The following STAB2 variants were observed in gnomAD, a reference collection of about 807,000 sequenced individuals.
STAB2 encodes the protein stabilin-2.
STAB2 carries 288 observed loss-of-function variants against 338.1 expected under a neutral mutation model. The observed-to-expected ratio is 0.85, with a 90% CI of 0.77 to 0.94. STAB2 has a LOEUF of 0.94. Ranked by LOEUF, STAB2 falls within the 40% of genes least tolerant of loss-of-function variation. The pLI is 0.00. For missense variants in STAB2, 3,141 were observed against 3,210.1 expected (o/e 0.98, Z 0.52); for synonymous variants, 1,202 against 1,193.3 (o/e 1.01, Z -0.15).
intron 34 of STAB2, among the ~76,000 whole-genome samples, chr12:103,699,728 G>A (rs1468042111): frequency 3.9e-5 from 6 of 152,140 alleles, no homozygotes; most frequent in African/African-American, 1.4e-4. Context: ...ACACAAAACG[G>A]TTGTCTGTGT....
chr12:103,729,830 T>C (rs1229339333), intron 48 of STAB2, among the ~76,000 whole-genome samples: 1 of 152,180 alleles, frequency 6.6e-6, no homozygotes, highest in Admixed American at 6.5e-5. Context: ...AGAACAAATA[T>C]AAAAGAGAAG....
intron 37 of STAB2, among the ~76,000 whole-genome samples, chr12:103,706,183 G>C (rs1401316715): frequency 6.6e-6 from 1 of 152,184 alleles, no homozygotes; most frequent in Non-Finnish European, 1.5e-5. Flanking sequence ...TTTCCCAGAT[G>C]ACTAGACATA....
intron 44 of STAB2, among the ~76,000 whole-genome samples, chr12:103,720,525 T>C (rs776317890): frequency 2.0e-4 from 31 of 152,240 alleles, no homozygotes; most frequent in Non-Finnish European, 4.1e-4. Context: ...TATGAATTTG[T>C]ATGTAAATTT....
chr12:103,695,743 A>C lies in STAB2; in HGVS notation c.3481A>C (p.Asn1161His). 1 of 1,614,152 alleles carries C rather than the reference A, an allele frequency of 6.2e-7. No individual in the cohort carries two copies. The highest frequency in any genetic ancestry group is 8.5e-7 in the Non-Finnish European group (1 of 1,180,038). Residue 1161 changes from asparagine to histidine, a missense_variant, in exon 33 of 69, where the codon AAT becomes CAT. Coordinates refer to ENST00000388887, the MANE Select transcript of STAB2 (RefSeq NM_017564.10). ...SIFRGYIIQY[N>H]LANAIEAADA... ...TTGTCTCTTTCCATCGCAGCAATAT[A>C]ATCTGGCGAATGCAATTGAGGCTGC...
intron 3 of STAB2, among the ~76,000 whole-genome samples, chr12:103,609,037 A>T (rs11503458): frequency 0.32 from 48,854 of 151,876 alleles, 10,019 homozygotes; most frequent in African/African-American, 0.58. Flanking sequence ...TTCTGTTCCA[A>T]TGGTCTATAT....
intron 51 of STAB2, among the ~76,000 whole-genome samples, chr12:103,733,757 A>G (rs879827259): frequency 6.6e-6 from 1 of 151,936 alleles, no homozygotes; most frequent in Non-Finnish European, 1.5e-5. Context: ...TCATATAGGA[A>G]CATACATGAT....
chr12:103,740,082 G>C (rs1353029820), intron 54 of STAB2, among the ~76,000 whole-genome samples: 1 of 152,162 alleles, frequency 6.6e-6, no homozygotes, highest in Non-Finnish European at 1.5e-5. Context: ...GCTAATAATG[G>C]ACTCTCTGTG....
At chr12:103,763,660 G>T (rs959973686) in intron 68 of STAB2, 52 bp downstream of exon 68, 4 of 1,485,182 alleles carry the variant, frequency 2.7e-6, no homozygotes, top group Non-Finnish European at 3.7e-6. Flanking sequence ...ACAGGGGAAT[G>T]ATGTCTTTTA....
chr12:103,708,428 T>A lies in STAB2; in HGVS notation c.4193-13T>A, dbSNP rs540905824. The A allele has an allele frequency of 4.9e-4, 796 of 1,613,492 alleles. 13 individuals carry two copies. The South Asian group carries it at 8.2e-3, about 17-fold the overall frequency. On this transcript the variant is annotated splice_polypyrimidine_tract_variant and intron_variant, in intron 38 of 68. Coordinates refer to ENST00000388887, the MANE Select transcript of STAB2 (RefSeq NM_017564.10). The stretch of plus-strand genomic sequence containing the variant: ...TTAGAATCTGACGATTTGCAGGTGA[T>A]TTTCCCACTTAGCATGTTCTTGTGT...
At chr12:103,702,022 A>ACACACACACACC (rs1555242449) in intron 34 of STAB2, among the ~76,000 whole-genome samples, 4 of 122,332 alleles carry the variant, frequency 3.3e-5, no homozygotes, top group Admixed American at 1.7e-4. Flanking sequence ...ACACACACAC[A>ACACACACACACC]CCCCACCCCA....
chr12:103,713,137 C>T (rs1880017625), intron 41 of STAB2, among the ~76,000 whole-genome samples: 1 of 152,174 alleles, frequency 6.6e-6, no homozygotes, highest in Non-Finnish European at 1.5e-5. Context: ...AATAAGAAGA[C>T]CTCCCTCACT....
intron 3 of STAB2, among the ~76,000 whole-genome samples, chr12:103,606,377 T>C (rs1372835780): frequency 6.6e-6 from 1 of 152,218 alleles, no homozygotes; most frequent in Admixed American, 6.5e-5. Context: ...AACCATACTT[T>C]AAATGATTTA....
At chr12:103,617,292 T>C (rs1489738830) in intron 3 of STAB2, among the ~76,000 whole-genome samples, 1 of 152,188 alleles carries the variant, frequency 6.6e-6, no homozygotes, top group Non-Finnish European at 1.5e-5. Flanking sequence ...CACTGGTAAA[T>C]ATCAAAGATC....
intron 39 of STAB2, among the ~76,000 whole-genome samples, chr12:103,711,033 TG>T (rs1879807646): frequency 6.6e-6 from 1 of 152,236 alleles, no homozygotes. Flanking sequence ...ATTATAGTTT[TG>T]CTTGTTTACA....
chr12:103,763,354 G>C lies in STAB2; in HGVS notation c.7489-138G>C, dbSNP rs1884682967. On this transcript the variant is annotated intron_variant, in intron 67 of 68. Transcript: ENST00000388887. ...AAGGTTGGTAAATTTTATTATATGTGAATCATCTCTCAACAAAGTACTGTT... is the reference window on the plus strand; with the variant it reads ...AAGGTTGGTAAATTTTATTATATGTCAATCATCTCTCAACAAAGTACTGTT... 6 of 676,156 alleles carry C rather than the reference G, an allele frequency of 8.9e-6. No individual in the cohort carries two copies. In the East Asian group the frequency reaches 1.5e-4, roughly 17 times the overall value. The allele number at this position is 676,156 out of a possible 1,614,324, so 41.9% of individuals were successfully genotyped here.
rs937742956 is a variant in STAB2 at position 103,717,763 on chromosome 12, T to C, written c.4612-7T>C. On this transcript the variant is annotated splice_region_variant and splice_polypyrimidine_tract_variant and intron_variant, in intron 43 of 68. Transcript: ENST00000388887. ...AAATGACCCCATGTGCTTCTACTCC[T>C]GGACAGGCTGCCTGTAACTGTTTGC... The C allele has an allele frequency of 6.2e-7, 1 of 1,614,144 alleles. No individual in the cohort carries two copies. The highest frequency in any genetic ancestry group is 8.5e-7 in the Non-Finnish European group (1 of 1,179,994).
intron 51 of STAB2, among the ~76,000 whole-genome samples, chr12:103,733,667 G>A (rs1593298266): frequency 6.6e-6 from 1 of 152,116 alleles, no homozygotes; most frequent in Non-Finnish European, 1.5e-5. Context: ...ATAGGAACAT[G>A]CATGATCACA....
chr12:103,750,790 A>G, intron 60 of STAB2, 70 bp downstream of exon 60: 1 of 1,509,198 alleles, frequency 6.6e-7, no homozygotes. Flanking sequence ...CCCTCAAGGG[A>G]AAGAAGAAAA....
intron 25 of STAB2, among the ~76,000 whole-genome samples, chr12:103,679,385 AGGG>A (rs371350330): frequency 6.6e-6 from 1 of 151,812 alleles, no homozygotes; most frequent in Non-Finnish European, 1.5e-5. Flanking sequence ...GAAAAAAAAA[AGGG>A]GGGTCAACAT....
Sources: gnomAD v4.1 joint callset for allele counts (sites outside exome capture counted in the v4.1 genomes callset) on GRCh38, gnomAD v4.1.1 for gene constraint, MANE v1.5 for transcripts, NCBI Gene and HGNC (gene_info 2026-07-23, HGNC 2026-07-21) for gene names.